Variants in ZNF557 observed in about 807,000 individuals in gnomAD.
The protein encoded by ZNF557 is CTB-25J19.9.
ZNF557 carries 19 observed loss-of-function variants against 21.2 expected under a neutral mutation model. That is an observed-to-expected ratio of 0.90 (90% CI 0.63 to 1.32). The LOEUF (loss-of-function observed/expected upper bound fraction) is 1.32. ZNF557 is among the 40% of genes most tolerant of loss of function. The pLI is 0.00. For synonymous variants in ZNF557, 207 were observed against 194.8 expected, an observed-to-expected ratio of 1.06 and a Z score of -0.52; for missense variants, 487 against 519.8, an observed-to-expected ratio of 0.94 and a Z score of 0.61.
chr19:7,077,351 G>T (rs1288817850), intron 5 of ZNF557, among the ~76,000 whole-genome samples: 6 of 151,810 alleles, frequency 4.0e-5, no homozygotes, highest in Non-Finnish European at 8.8e-5. Context: ...GGCCAGGCTG[G>T]TCTTGAACTC....
intron 2 of ZNF557, among the ~76,000 whole-genome samples, chr19:7,073,664 C>T (rs1977510335): frequency 6.6e-6 from 1 of 152,164 alleles, no homozygotes; most frequent in South Asian, 2.1e-4. Context: ...AGCCTCCCAT[C>T]TCTGCTTGGC....
intron 6 of ZNF557, 101 bp from the exon 7 acceptor site, chr19:7,081,869 T>C: frequency 1.1e-6 from 1 of 870,248 alleles, no homozygotes; most frequent in Non-Finnish European, 1.9e-6. Flanking sequence ...CCCTCACCTC[T>C]CAGATTCTGC....
At chr19:7,081,502 A>C (rs1401014455) in intron 6 of ZNF557, 47 bp downstream of exon 6, 5 of 1,294,518 alleles carry the variant, frequency 3.9e-6, no homozygotes, top group Non-Finnish European at 4.5e-6. Flanking sequence ...AGCTCTGGCC[A>C]GGGACTGAGA....
rs561066237 is a variant in ZNF557, at chr19:7,070,212, G to T, written c.-171-350G>T. ...AAATCTCTGCAGTCCTGAATACACT[G>T]TAGAAATTATTTAGAATTCAGCCGA... is the stretch of plus-strand genomic sequence containing the variant. On this transcript the variant is annotated intron_variant, in intron 1 of 7. Transcript: ENST00000252840. Among the ~76,000 whole-genome samples the T allele has an allele frequency of 2.0e-5, 3 of 152,308 alleles. No individual in the cohort carries two copies. The South Asian group carries it at 6.2e-4, about 32-fold the overall frequency.
At chr19:7,074,102 G>T (rs1371824081) in intron 2 of ZNF557, among the ~76,000 whole-genome samples, 1 of 150,836 alleles carries the variant, frequency 6.6e-6, no homozygotes, top group Non-Finnish European at 1.5e-5. Context: ...CCAGGTTCAC[G>T]CCATTCTCCT....
chr19:7,074,253 G>A (rs528611659), intron 2 of ZNF557, among the ~76,000 whole-genome samples: 60 of 151,020 alleles, frequency 4.0e-4, no homozygotes, highest in Non-Finnish European at 7.8e-4. Flanking sequence ...TGATCCGCCC[G>A]CCTCGGCCTC....
intron 2 of ZNF557, among the ~76,000 whole-genome samples, chr19:7,072,369 G>A (rs553960230): frequency 1.5e-4 from 23 of 150,610 alleles, no homozygotes; most frequent in Middle Eastern, 3.4e-3. Context: ...AGGTTGCAGT[G>A]AGCCGAGATC....
At chr19:7,078,662 C>T (rs921899315) in intron 5 of ZNF557, among the ~76,000 whole-genome samples, 3 of 151,986 alleles carry the variant, frequency 2.0e-5, no homozygotes, top group Admixed American at 2.0e-4. Context: ...GAACTCCTGA[C>T]CTCAGGTGAT....
Position 7,084,071 on chromosome 19 carries a change from A to T in ZNF557, c.*327A>T. The T allele has an allele frequency of 3.8e-6, 1 of 260,340 alleles. No individual in the cohort carries two copies. Among genetic ancestry groups the T allele is most frequent in the African/African-American group, 2.3e-5 (1 of 44,258 alleles). 16.1% of individuals were successfully genotyped at this position (260,340 alleles called of 1,614,324 possible). The stretch of plus-strand genomic sequence containing the variant: ...AGTGCATGCTAGCTGTTTCCAAGGG[A>T]GCTGCGCTTCCAAATCACGTAGGCC... On this transcript the variant is annotated 3_prime_UTR_variant, in exon 8 of 8. Transcript: ENST00000252840.
At chr19:7,082,688 A>G (rs1385843489) in intron 7 of ZNF557, among the ~76,000 whole-genome samples, 190 bp from the exon 8 acceptor site, 1 of 152,218 alleles carries the variant, frequency 6.6e-6, no homozygotes, top group Non-Finnish European at 1.5e-5. Flanking sequence ...AGATTTGTAG[A>G]AAGAATCCAT....
rs1429074307 is a variant in ZNF557, at chr19:7,083,424, T to C, written c.973T>C (p.Cys325Arg). The change falls in exon 8 of 8, where the codon TGT (cysteine) becomes CGT (arginine). Residue 325 changes from cysteine to arginine, a missense_variant. By Grantham distance (180) the Cys-to-Arg change is radical. Transcript: ENST00000252840. ...TGEYPYECHD[C>R]GRTFRRRSNL... ...GGAGTACCCTTACGAATGCCACGAT[T>C]GTGGGAGAACCTTCAGGAGGAGGTC... The C allele has an allele frequency of 6.2e-7, 1 of 1,614,174 alleles. No homozygotes were observed. The highest frequency in any genetic ancestry group is 1.7e-5 in the Admixed American group (1 of 60,002).
intron 2 of ZNF557, among the ~76,000 whole-genome samples, chr19:7,071,799 C>CAAAAAAAAAA (rs71177147): frequency 3.6e-5 from 2 of 55,026 alleles, no homozygotes; most frequent in Non-Finnish European, 3.1e-5. Flanking sequence ...GACTGCATCT[C>CAAAAAAAAAA]AAAAAAAAAA....
At chr19:7,073,203 T>TA (rs1977502798) in intron 2 of ZNF557, among the ~76,000 whole-genome samples, 1 of 143,296 alleles carries the variant, frequency 7.0e-6, no homozygotes, top group Non-Finnish European at 1.5e-5. Flanking sequence ...CAGGCTAGAG[T>TA]GCAGTGGCAT....
At chr19:7,081,911 C>A in intron 6 of ZNF557, 59 bp from the exon 7 acceptor site, 2 of 1,319,232 alleles carry the variant, frequency 1.5e-6, no homozygotes, top group South Asian at 1.2e-5. Context: ...ACTATTTCAC[C>A]ATCAACTTAA....
chr19:7,085,683 A>G lies in ZNF557; in HGVS notation c.*1939A>G, dbSNP rs1050672811. ...TCATCTCTTAACTGAGTGGCCACGC[A>G]GTAACTTAGAACAAAAGGTGTAAGT... On this transcript the variant is annotated 3_prime_UTR_variant, in exon 8 of 8. Coordinates refer to ENST00000252840, the MANE Select transcript of ZNF557 (RefSeq NM_024341.3). 3.3e-5 allele frequency: 5 copies of G among 152,208 alleles called. No individual in the cohort carries two copies. Among genetic ancestry groups the G allele is most frequent in the Non-Finnish European group, 5.9e-5 (4 of 68,032 alleles). The allele number at this position is 152,208 out of a possible 1,614,324, so 9.4% of individuals were successfully genotyped here. A position where few individuals can be genotyped will look rare whatever the true frequency, so the allele number is the denominator to read the frequency against.
chr19:7,085,387 C>G lies in ZNF557; in HGVS notation c.*1643C>G, dbSNP rs996343344. 1 of 152,168 alleles carries G rather than the reference C, an allele frequency of 6.6e-6. No homozygotes were observed. The highest frequency in any genetic ancestry group is 1.9e-4 in the East Asian group (1 of 5,194). The allele number at this position is 152,168 out of a possible 1,614,324, so 9.4% of individuals were successfully genotyped here. A position where few individuals can be genotyped will look rare whatever the true frequency, so the allele number is the denominator to read the frequency against. ...CCATGTTTCCCAGGCTGCTCTCAAA[C>G]TCCTGGGCTCAAGTGATCCACCTGC... is the stretch of plus-strand genomic sequence containing the variant. On this transcript the variant is annotated 3_prime_UTR_variant, in exon 8 of 8. Transcript: ENST00000252840.
rs138781365 is a variant in ZNF557 at position 7,070,970 on chromosome 19, T to A, written c.-80+317T>A. On this transcript the variant is annotated intron_variant, in intron 2 of 7. Transcript: ENST00000252840. ...TAGTAAAGATGGGGTGTTGCCATGTTGGCCAGGCTGGTCTCGAACTCCTGA... is the reference window on the plus strand; with the variant it reads ...TAGTAAAGATGGGGTGTTGCCATGTAGGCCAGGCTGGTCTCGAACTCCTGA... Among the ~76,000 whole-genome samples the A allele has an allele frequency of 5.6e-3, 848 of 152,258 alleles. 5 individuals are homozygous for A. The highest frequency in any genetic ancestry group is 9.3e-3 in the Non-Finnish European group (632 of 68,026).
At chr19:7,078,577 G>A (rs143183121) in intron 5 of ZNF557, among the ~76,000 whole-genome samples, 407 of 151,758 alleles carry the variant, frequency 2.7e-3, no homozygotes, top group African/African-American at 7.9e-3. Flanking sequence ...GATTACAAAC[G>A]CGCACCACCA....
chr19:7,074,616 C>T (rs1977537387), intron 2 of ZNF557, among the ~76,000 whole-genome samples: 1 of 149,196 alleles, frequency 6.7e-6, no homozygotes, highest in African/African-American at 2.5e-5. Flanking sequence ...GCTGGGCTGG[C>T]ATGAGAGTGG....
Sources: allele counts gnomAD v4.1 joint callset (sites outside exome capture counted in the v4.1 genomes callset), GRCh38; gene constraint gnomAD v4.1.1; transcripts MANE v1.5; gene names NCBI Gene and HGNC (gene_info 2026-07-23, HGNC 2026-07-21).